DLGAP5: variants seen among roughly 807,000 people sequenced by gnomAD.
DLGAP5 encodes the protein DLG associated protein 5, also known as disks large-associated protein 5.
A neutral mutation model predicts 99.6 loss-of-function variants in DLGAP5; 90 were observed. That is an observed-to-expected ratio of 0.90 (90% confidence interval 0.76 to 1.08). DLGAP5 has a LOEUF of 1.08. Ranked by LOEUF, DLGAP5 falls within the 50% of genes least tolerant of loss-of-function variation. DLGAP5 has a pLI of 0.00. For synonymous variants in DLGAP5, 311 were observed against 321.3 expected (o/e 0.97, Z 0.34); for missense variants, 1,036 against 983.5 (o/e 1.05, Z -0.71).
At position 55,148,220 on chromosome 14, in the gene DLGAP5, T is replaced by C; in HGVS notation, c.*131A>G. 2 of 931,322 alleles carry C rather than the reference T, an allele frequency of 2.1e-6. No homozygotes were observed. The highest frequency in any genetic ancestry group is 3.1e-6 in the Non-Finnish European group (2 of 635,582). 57.7% of individuals were successfully genotyped at this position (931,322 alleles called of 1,614,324 possible). A position where few individuals can be genotyped will look rare whatever the true frequency, so the allele number is the denominator to read the frequency against. ...AGAGTATATCTAAAATACACTTTGA[T>C]GAACACAGAATATTAAAACATTATA... On this transcript the variant is annotated 3_prime_UTR_variant, in exon 19 of 19. Transcript: ENST00000247191.
In DLGAP5 at chr14:55,169,453, T is replaced by C; in HGVS notation, c.1494A>G (p.Ile498Met). The C allele has an allele frequency of 6.2e-7, 1 of 1,612,994 alleles. No individual in the cohort carries two copies. The highest frequency in any genetic ancestry group is 8.5e-7 in the Non-Finnish European group (1 of 1,179,666). The change falls in exon 12 of 19, where the codon ATA (isoleucine) becomes ATG (methionine). Residue 498 changes from isoleucine (I) to methionine (M), a missense_variant. Ile to Met is a conservative substitution (Grantham distance 10). Coordinates refer to ENST00000247191, the MANE Select transcript of DLGAP5 (RefSeq NM_014750.5). ...CCAGATCTGTACAGGTAGTCTCCTT[T>C]ATACCTCGTTTATATTCACAATCAT... Reference protein sequence around the residue: ...LVDDCEYKRGIKETTCTDLDG... With the variant: ...LVDDCEYKRGMKETTCTDLDG...
intron 2 of DLGAP5, among the ~76,000 whole-genome samples, chr14:55,186,046 G>C (rs116020992): frequency 1.3e-5 from 2 of 152,124 alleles, no homozygotes; most frequent in African/African-American, 4.8e-5. Flanking sequence ...TGAGGTGGGC[G>C]GTTCATCTGA....
In DLGAP5 at chr14:55,180,673, A is replaced by T; in HGVS notation, c.686T>A (p.Val229Asp). The T allele has an allele frequency of 6.2e-7, 1 of 1,614,158 alleles. No homozygotes were observed. Among genetic ancestry groups the T allele is most frequent in the Non-Finnish European group, 8.5e-7 (1 of 1,180,010 alleles). The change falls in exon 6 of 19, where the codon GTC (valine) becomes GAC (aspartate). Residue 229 changes from valine to aspartate, a missense_variant. Transcript: ENST00000247191. The part of the protein sequence containing the change: ...TVSSTTARKP[V>D]TRAANENEPE... ...GTTCTCACCATTAGCAGCTCTTGTG[A>T]CTGGCTTTCTTGCTGTGGTAGATGA...
chr14:55,190,334 T>G (rs778372170), intron 1 of DLGAP5, among the ~76,000 whole-genome samples: 3 of 145,816 alleles, frequency 2.1e-5, no homozygotes, highest in Non-Finnish European at 4.4e-5. Flanking sequence ...TCATATAGTT[T>G]AATTGGCACA....
intron 4 of DLGAP5, 129 bp from the exon 5 acceptor site, chr14:55,181,426 A>T: frequency 1.6e-6 from 1 of 610,054 alleles, no homozygotes; most frequent in Non-Finnish European, 2.7e-6. Context: ...ACAACAAAAA[A>T]CTACCCCAAA....
rs1481884265 is a variant in DLGAP5, at chr14:55,175,989, A to G, written c.1079T>C (p.Leu360Ser). 5.6e-6 allele frequency: 9 copies of G among 1,592,922 alleles called. No homozygotes were observed. The highest frequency in any genetic ancestry group is 7.7e-6 in the Non-Finnish European group (9 of 1,163,374). ...VDESQATKEI[L>S]AQKCKTYSTK... The stretch of plus-strand genomic sequence containing the variant: ...AGAGTAAGTTTTACATTTTTGTGCC[A>G]AAATTTCTTTTGTTGCTTGAGACTC... Residue 360 changes from leucine to serine, a missense_variant, in exon 9 of 19, where the codon TTG (leucine) becomes TCG (serine). Leu to Ser is a moderately radical substitution (Grantham distance 145, BLOSUM62 -2). Coordinates refer to ENST00000247191, the MANE Select transcript of DLGAP5 (RefSeq NM_014750.5).
chr14:55,151,867 TCCA>T lies in DLGAP5; in HGVS notation c.2193_2195del (p.Gly732del). ...TGTTAGTATTAATATCATCTGCTAC[TCCA>T]CCAGCAAGAAGAGGCAAACTCATTC... On this transcript the variant is annotated inframe_deletion, in exon 17 of 19. Transcript: ENST00000247191. 6.2e-7 allele frequency: 1 copy of T among 1,613,998 alleles called. No individual in the cohort carries two copies. The highest frequency in any genetic ancestry group is 2.2e-5 in the East Asian group (1 of 44,840).
At chr14:55,175,822 T>C in intron 9 of DLGAP5, 72 bp downstream of exon 9, 2 of 1,322,702 alleles carry the variant, frequency 1.5e-6, no homozygotes, top group African/African-American at 3.0e-5. Flanking sequence ...ATGTAATTAC[T>C]ATACCTGAAA....
intron 4 of DLGAP5, among the ~76,000 whole-genome samples, chr14:55,181,818 A>C (rs1346685192): frequency 6.6e-6 from 1 of 152,172 alleles, no homozygotes; most frequent in Non-Finnish European, 1.5e-5. Flanking sequence ...ATCTTCTGGC[A>C]TATTATGTAT....
chr14:55,151,646 GTTCAT>G (rs766653779), intron 17 of DLGAP5, 44 bp downstream of exon 17: 1 of 1,564,000 alleles, frequency 6.4e-7, no homozygotes, highest in Non-Finnish European at 8.7e-7. Flanking sequence ...CTTAATCCAA[GTTCAT>G]TTCTTTAATA....
chr14:55,155,496 G>A lies in DLGAP5; in HGVS notation c.1874-690C>T, dbSNP rs1001150532. On this transcript the variant is annotated intron_variant, in intron 14 of 18. Transcript: ENST00000247191. ...CGAGTAGCTGGGATTACAGGCACCC[G>A]CCACCACGCCTGGCTAATTTTTTGT... 2.4e-4 allele frequency among the ~76,000 whole-genome samples: 36 copies of A among 147,464 alleles called. No individual in the cohort carries two copies. The East Asian group carries it at 6.6e-3, about 27-fold the overall frequency.
intron 12 of DLGAP5, 38 bp downstream of exon 12, chr14:55,169,356 AAAAAG>A: frequency 7.4e-7 from 1 of 1,359,840 alleles, no homozygotes; most frequent in Non-Finnish European, 9.7e-7. Flanking sequence ...AAAAAAAAAA[AAAAAG>A]CCCTAAGTTA....
chr14:55,150,649 A>T, intron 18 of DLGAP5, 150 bp downstream of exon 18: 1 of 557,694 alleles, frequency 1.8e-6, no homozygotes, highest in Non-Finnish European at 3.0e-6. Context: ...TAAACACCAA[A>T]TTTTTCTTCA....
chr14:55,179,647 T>G lies in DLGAP5; in HGVS notation c.756A>C (p.Val252=). 1 of 1,612,412 alleles carries G rather than the reference T, an allele frequency of 6.2e-7. No homozygotes were observed. The highest frequency in any genetic ancestry group is 8.5e-7 in the Non-Finnish European group (1 of 1,179,376). Residue 252 remains valine, a synonymous_variant, in exon 7 of 19, where the codon GTA becomes GTC. Coordinates refer to ENST00000247191, the MANE Select transcript of DLGAP5 (RefSeq NM_014750.5). ...VPSKGRPAKN[V]ETKPDKGISC... ...TCTCTACCTTGTCGGGTTTTGTTTC[T>G]ACATTTTTGGCAGGTCTTCCTTTAC...
intron 13 of DLGAP5, among the ~76,000 whole-genome samples, chr14:55,161,825 G>C (rs1430159132): frequency 5.4e-5 from 7 of 129,058 alleles, no homozygotes; most frequent in African/African-American, 1.8e-4. Context: ...GGTGAACCAA[G>C]GTCACGCCAC....
chr14:55,173,282 A>C (rs1201794760), intron 10 of DLGAP5, among the ~76,000 whole-genome samples: 5 of 128,702 alleles, frequency 3.9e-5, no homozygotes, highest in East Asian at 4.1e-4. Flanking sequence ...CAAAAAAAAA[A>C]AAAAACAAAA....
intron 7 of DLGAP5, 79 bp downstream of exon 7, chr14:55,179,550 T>G: frequency 8.1e-7 from 1 of 1,242,172 alleles, no homozygotes; most frequent in South Asian, 1.4e-5. Flanking sequence ...AAGCAGTTCT[T>G]TATGTTTAAT....
intron 15 of DLGAP5, among the ~76,000 whole-genome samples, chr14:55,153,253 T>C (rs776659026): frequency 6.6e-6 from 1 of 152,154 alleles, no homozygotes; most frequent in Non-Finnish European, 1.5e-5. Context: ...ATTAGAAATA[T>C]CTGTTTTGGC....
chr14:55,174,811 C>T (rs1882998489), intron 10 of DLGAP5, among the ~76,000 whole-genome samples: 1 of 152,154 alleles, frequency 6.6e-6, no homozygotes, highest in Non-Finnish European at 1.5e-5. Context: ...CTGCCTTAGC[C>T]TCATGAGTAG....
Sources: gnomAD v4.1 joint callset for allele counts (sites outside exome capture counted in the v4.1 genomes callset) on GRCh38, gnomAD v4.1.1 for gene constraint, MANE v1.5 for transcripts, NCBI Gene and HGNC (gene_info 2026-07-23, HGNC 2026-07-21) for gene names.